PCDH15: variants seen among roughly 807,000 people sequenced by gnomAD.
PCDH15 encodes the protein protocadherin related 15, also known as protocadherin-15.
Under a neutral mutation model 178.5 loss-of-function variants are expected in PCDH15, and 129 were observed. The observed-to-expected ratio is 0.72, with a 90% confidence interval of 0.63 to 0.84. PCDH15 has a LOEUF of 0.84. PCDH15 is among the 40% of genes least tolerant of loss of function. PCDH15 has a pLI of 0.00. For missense variants in PCDH15, 2,230 were observed against 2,099.9 expected (o/e 1.06, Z -1.21); for synonymous variants, 800 against 732.0 (o/e 1.09, Z -1.50).
chr10:54,112,141 C>A (rs2095036928), intron 15 of PCDH15, among the ~76,000 whole-genome samples: 3 of 150,750 alleles, frequency 2.0e-5, no homozygotes, highest in Admixed American at 1.3e-4. Flanking sequence ...GACTCTGTCT[C>A]AAAATAAATA....
chr10:55,616,519 CAAA>C (rs34005780), intron 2 of PCDH15, among the ~76,000 whole-genome samples: 1 of 127,486 alleles, frequency 7.8e-6, no homozygotes. Flanking sequence ...CTGAAATTAG[CAAA>C]AAAAAAAAAA....
chr10:54,851,062 G>T (rs1953612774), intron 3 of PCDH15, among the ~76,000 whole-genome samples: 1 of 152,030 alleles, frequency 6.6e-6, no homozygotes, highest in African/African-American at 2.4e-5. Context: ...TCATAAATAT[G>T]ATCTTTTGAT....
At chr10:54,305,690 G>A (rs2060421937) in intron 8 of PCDH15, among the ~76,000 whole-genome samples, 1 of 152,034 alleles carries the variant, frequency 6.6e-6, no homozygotes. Context: ...AGAAAACAAA[G>A]TCATGAATTA....
intron 28 of PCDH15, among the ~76,000 whole-genome samples, chr10:53,856,760 A>C (rs1182166402): frequency 1.4e-5 from 2 of 143,934 alleles, no homozygotes; most frequent in African/African-American, 2.5e-5. Flanking sequence ...TTGAGAAAAC[A>C]GTAAGCTAAA....
intron 1 of PCDH15, among the ~76,000 whole-genome samples, chr10:55,284,999 C>T (rs1028763873): frequency 6.6e-6 from 1 of 151,586 alleles, no homozygotes; most frequent in African/African-American, 2.4e-5. Context: ...GAAGTGAGAT[C>T]GCTTCAAATT....
chr10:54,739,450 C>T (rs1231577816), intron 1 of PCDH15, among the ~76,000 whole-genome samples: 1 of 151,388 alleles, frequency 6.6e-6, no homozygotes, highest in African/African-American at 2.4e-5. Flanking sequence ...TAAGATACCT[C>T]ATGTTTTGGG....
chr10:54,554,635 A>G (rs891672136), intron 2 of PCDH15, among the ~76,000 whole-genome samples: 1 of 152,160 alleles, frequency 6.6e-6, no homozygotes, highest in Non-Finnish European at 1.5e-5. Context: ...GAAAGAATGA[A>G]TCAATTTGAA....
At chr10:54,807,754 A>G (rs1385735686) in intron 3 of PCDH15, among the ~76,000 whole-genome samples, 2 of 149,266 alleles carry the variant, frequency 1.3e-5, no homozygotes, top group Non-Finnish European at 3.0e-5. Flanking sequence ...TATACTTATA[A>G]TAGTATAAAA....
intron 2 of PCDH15, among the ~76,000 whole-genome samples, chr10:55,118,600 G>A (rs1837684053): frequency 1.3e-5 from 2 of 152,316 alleles, no homozygotes; most frequent in Admixed American, 1.3e-4. Flanking sequence ...AATGCAAGAA[G>A]AGGTTGAAAA....
chr10:54,684,890 CTAACTT>C (rs1565937655), intron 1 of PCDH15, among the ~76,000 whole-genome samples: 2 of 151,946 alleles, frequency 1.3e-5, no homozygotes, highest in Admixed American at 6.6e-5. Context: ...AAATAGTAAA[CTAACTT>C]TAGCTTACTG....
At chr10:54,684,021 G>A (rs1288804885) in intron 1 of PCDH15, among the ~76,000 whole-genome samples, 1 of 151,794 alleles carries the variant, frequency 6.6e-6, no homozygotes, top group African/African-American at 2.4e-5. Flanking sequence ...TATCTGAAAG[G>A]GAATTCAGAT....
Position 54,963,348 on chromosome 10 carries a change from T to C in PCDH15, c.-79-65848A>G, listed in dbSNP as rs1489131465. Among the ~76,000 whole-genome samples, 3 of 145,858 alleles carry C rather than the reference T, an allele frequency of 2.1e-5. No individual in the cohort carries two copies. In the East Asian group the frequency reaches 6.2e-4, roughly 30 times the overall value. On this transcript the variant is annotated intron_variant, in intron 2 of 5. Transcript: ENST00000458638. ...GACATAAAATGTGTTTTTTTTTTTT[T>C]ACTATTTTAATGGAAATAGATTGGG...
At chr10:55,055,155 T>C (rs190060152) in intron 2 of PCDH15, among the ~76,000 whole-genome samples, 18 of 152,292 alleles carry the variant, frequency 1.2e-4, no homozygotes, top group Admixed American at 7.8e-4. Context: ...GGGTTTTACG[T>C]TTCAGTCTTT....
At chr10:55,258,360 G>T (rs1842058522) in intron 1 of PCDH15, among the ~76,000 whole-genome samples, 1 of 152,116 alleles carries the variant, frequency 6.6e-6, no homozygotes, top group Admixed American at 6.6e-5. Flanking sequence ...AAGAATCATG[G>T]GAAGGAGGTG....
At chr10:55,590,692 A>T (rs934248943) in intron 2 of PCDH15, among the ~76,000 whole-genome samples, 2 of 152,150 alleles carry the variant, frequency 1.3e-5, no homozygotes, top group Non-Finnish European at 2.9e-5. Flanking sequence ...CAAAACCTCA[A>T]ACTTAATTGA....
At chr10:55,570,028 G>A (rs950242741) in intron 2 of PCDH15, among the ~76,000 whole-genome samples, 3 of 151,852 alleles carry the variant, frequency 2.0e-5, no homozygotes, top group Admixed American at 6.6e-5. Context: ...CCTTAAATTG[G>A]GGCAAAATAG....
At chr10:54,071,253 T>C (rs1329230814) in intron 17 of PCDH15, among the ~76,000 whole-genome samples, 2 of 152,166 alleles carry the variant, frequency 1.3e-5, no homozygotes, top group African/African-American at 2.4e-5. Flanking sequence ...GTCAGATAAC[T>C]GGGTTTTCTG....
At chr10:53,899,990 CTG>C (rs58532446) in intron 26 of PCDH15, among the ~76,000 whole-genome samples, 108,064 of 151,746 alleles carry the variant, frequency 0.71, 38,836 homozygotes, top group East Asian at 0.86. Context: ...TCTACTTAGA[CTG>C]TGTCTTCCTC....
intron 2 of PCDH15, among the ~76,000 whole-genome samples, chr10:55,603,590 C>A (rs572513455): frequency 1.3e-5 from 2 of 151,828 alleles, no homozygotes; most frequent in South Asian, 4.2e-4. Flanking sequence ...GGCCAATATT[C>A]AACATTCTTA....
Sources: allele counts gnomAD v4.1 joint callset (sites outside exome capture counted in the v4.1 genomes callset), GRCh38; gene constraint gnomAD v4.1.1; transcripts MANE v1.5; gene names NCBI Gene and HGNC (gene_info 2026-07-23, HGNC 2026-07-21).